Variants in NRXN3 observed in about 807,000 individuals in gnomAD.
The protein encoded by NRXN3 is neurexin III.
NRXN3 carries 32 observed loss-of-function variants against 137.6 expected under a neutral mutation model. The observed-to-expected ratio is 0.23, with a 90% CI of 0.18 to 0.31. The LOEUF is 0.31. Ranked by LOEUF, NRXN3 falls within the 10% of genes least tolerant of loss-of-function variation. The probability of loss-of-function intolerance (pLI) is 1.00; values close to 1 mark genes in which losing one functional copy is unlikely to be tolerated. For synonymous variants in NRXN3, 798 were observed against 784.5 expected (o/e 1.02, Z -0.29); for missense variants, 1,574 against 2,062.5 (o/e 0.76, Z 4.59).
At chr14:79,408,503 A>G (rs1218057666) in intron 15 of NRXN3, among the ~76,000 whole-genome samples, 2 of 152,060 alleles carry the variant, frequency 1.3e-5, no homozygotes, top group Non-Finnish European at 2.9e-5. Context: ...AAAACACTGA[A>G]AAGGGAGGTA....
intron 1 of NRXN3, among the ~76,000 whole-genome samples, chr14:78,208,080 A>C (rs1323790204): frequency 6.6e-6 from 1 of 152,092 alleles, no homozygotes; most frequent in Admixed American, 6.5e-5. Context: ...CTGTTCTTCA[A>C]TTTTCTCACG....
At chr14:79,318,169 A>G (rs2089265178) in intron 15 of NRXN3, among the ~76,000 whole-genome samples, 1 of 152,246 alleles carries the variant, frequency 6.6e-6, no homozygotes, top group Admixed American at 6.5e-5. Flanking sequence ...CAGAGAATCA[A>G]GTTGCATTGT....
chr14:79,560,504 C>CTTTGTTTTTTTTTTTTT (rs2097482091), intron 16 of NRXN3, among the ~76,000 whole-genome samples: 1 of 43,770 alleles, frequency 2.3e-5, no homozygotes, highest in Non-Finnish European at 4.0e-5. Flanking sequence ...AGATTGTAAG[C>CTTTGTTTTTTTTTTTTT]TTTTTTTTTT....
intron 15 of NRXN3, among the ~76,000 whole-genome samples, chr14:78,996,668 C>T (rs1024705365): frequency 1.8e-4 from 28 of 151,948 alleles, no homozygotes; most frequent in African/African-American, 5.8e-4. Context: ...CAAATAAGTG[C>T]CATTTTGCAG....
chr14:79,347,767 C>A (rs1035742013), intron 15 of NRXN3, among the ~76,000 whole-genome samples: 1 of 152,130 alleles, frequency 6.6e-6, no homozygotes, highest in African/African-American at 2.4e-5. Flanking sequence ...GGTATTGACA[C>A]AGAAATGCTG....
intron 15 of NRXN3, among the ~76,000 whole-genome samples, chr14:79,388,954 C>T (rs566895334): frequency 1.5e-4 from 23 of 152,116 alleles, no homozygotes; most frequent in Admixed American, 3.9e-4. Flanking sequence ...CCTGCAACCA[C>T]GTAGGTTATG....
At chr14:79,780,041 T>A (rs1411739775) in intron 19 of NRXN3, among the ~76,000 whole-genome samples, 1 of 152,122 alleles carries the variant, frequency 6.6e-6, no homozygotes, top group African/African-American at 2.4e-5. Context: ...TCTCTATAAT[T>A]TAAATGTTAT....
At chr14:78,499,408 A>G (rs1378247133) in intron 4 of NRXN3, among the ~76,000 whole-genome samples, 1 of 152,196 alleles carries the variant, frequency 6.6e-6, no homozygotes, top group African/African-American at 2.4e-5. Context: ...TCAGCTGATA[A>G]TCGGGGCCTC....
chr14:78,340,178 A>C (rs1053454842), intron 4 of NRXN3, among the ~76,000 whole-genome samples: 1 of 152,146 alleles, frequency 6.6e-6, no homozygotes, highest in Non-Finnish European at 1.5e-5. Flanking sequence ...AACTGAGAAA[A>C]CCAGCCACCA....
At chr14:79,276,111 G>C (rs943853246) in intron 15 of NRXN3, among the ~76,000 whole-genome samples, 24 of 152,272 alleles carry the variant, frequency 1.6e-4, no homozygotes, top group African/African-American at 5.3e-4. Flanking sequence ...GACAAGGGAT[G>C]ACAAATCCTT....
chr14:79,423,784 G>C (rs1345385594), intron 15 of NRXN3, among the ~76,000 whole-genome samples: 1 of 152,198 alleles, frequency 6.6e-6, no homozygotes, highest in Non-Finnish European at 1.5e-5. Flanking sequence ...GCATGGACAG[G>C]CCAATACTAG....
chr14:79,594,054 G>T (rs1406778892), intron 16 of NRXN3, among the ~76,000 whole-genome samples: 1 of 152,150 alleles, frequency 6.6e-6, no homozygotes, highest in East Asian at 1.9e-4. Context: ...GCAACTCATT[G>T]CTTAGAGAAA....
Position 78,268,290 on chromosome 14 carries a change from G to GTTTTT in NRXN3, c.710-10351_710-10350insTTTTT, listed in dbSNP as rs58273807. ...GTTTTGTTTTGTTTTGTTTTGTTTT[G>GTTTTT]TTTTCAAAGAACAACTGTTCACATC... is the stretch of plus-strand genomic sequence containing the variant. On this transcript the variant is annotated intron_variant, in intron 2 of 20. Transcript: ENST00000335750. Among the ~76,000 whole-genome samples, 5 of 151,906 alleles carry GTTTTT rather than the reference G, an allele frequency of 3.3e-5. 2 individuals carry two copies. Among genetic ancestry groups the GTTTTT allele is most frequent in the East Asian group, 3.9e-4 (2 of 5,178 alleles).
chr14:78,922,400 T>A (rs1317996165), intron 10 of NRXN3, among the ~76,000 whole-genome samples: 2 of 152,208 alleles, frequency 1.3e-5, no homozygotes, highest in Non-Finnish European at 2.9e-5. Flanking sequence ...TTCTAAAATA[T>A]CTTTTCTATT....
chr14:78,711,434 CTTTTTTTTTT>C (rs35251417), intron 7 of NRXN3, among the ~76,000 whole-genome samples: 2 of 99,088 alleles, frequency 2.0e-5, no homozygotes, highest in Non-Finnish European at 1.9e-5. Flanking sequence ...ATTCTTTTCT[CTTTTTTTTTT>C]TTTTTTTTTT....
chr14:79,518,968 A>T lies in NRXN3; in HGVS notation c.3444+51566A>T, dbSNP rs932939076. On this transcript the variant is annotated intron_variant, in intron 16 of 20. Transcript: ENST00000335750. ...AACAATTTAATTATTTTCTTTTTCT[A>T]TGCCACAGAACAATTAACTTGGCAT... is the stretch of plus-strand genomic sequence containing the variant. 3.3e-5 allele frequency among the ~76,000 whole-genome samples: 5 copies of T among 152,232 alleles called. No homozygotes were observed. The East Asian group carries it at 5.8e-4, about 18-fold the overall frequency.
intron 15 of NRXN3, among the ~76,000 whole-genome samples, chr14:79,385,649 G>C (rs2094592739): frequency 6.6e-6 from 1 of 152,104 alleles, no homozygotes; most frequent in Admixed American, 6.5e-5. Context: ...GTGACAGTGA[G>C]TGAGTTCTCA....
intron 19 of NRXN3, among the ~76,000 whole-genome samples, chr14:79,715,014 C>T (rs113798463): frequency 0.28 from 43,129 of 151,968 alleles, 6,237 homozygotes; most frequent in South Asian, 0.34. Context: ...AGGGCAGTGG[C>T]GTGATCGGGG....
intron 10 of NRXN3, among the ~76,000 whole-genome samples, chr14:78,953,480 G>T (rs2099390857): frequency 6.6e-6 from 1 of 152,180 alleles, no homozygotes; most frequent in South Asian, 2.1e-4. Flanking sequence ...TCAAAGAGAT[G>T]GTGCTAAATG....
Sources: allele counts gnomAD v4.1 joint callset (sites outside exome capture counted in the v4.1 genomes callset), GRCh38; gene constraint gnomAD v4.1.1; transcripts MANE v1.5; gene names NCBI Gene and HGNC (gene_info 2026-07-23, HGNC 2026-07-21).